Variants in EXPH5 observed in about 807,000 individuals in gnomAD.
The protein encoded by EXPH5 is exophilin-5.
EXPH5 carries 42 observed loss-of-function variants against 41.1 expected under a neutral mutation model. The ratio of observed to expected loss-of-function variants is 1.02; its 90% CI spans 0.80 to 1.32. EXPH5 has a LOEUF of 1.32. Among genes scored for constraint, EXPH5 ranks in the 40% most tolerant of loss-of-function variants. EXPH5 has a pLI of 0.00. For missense variants in EXPH5, 2,298 were observed against 2,314.5 expected (o/e 0.99, Z 0.15); for synonymous variants, 798 against 833.5 (o/e 0.96, Z 0.73).
chr11:108,556,374 A>G (rs547759410), intron 1 of EXPH5, among the ~76,000 whole-genome samples: 43 of 151,798 alleles, frequency 2.8e-4, no homozygotes, highest in Non-Finnish European at 1.0e-4. Flanking sequence ...GGCACTTAAG[A>G]GTGTTTCCAT....
chr11:108,528,006 G>A, intron 4 of EXPH5, 130 bp downstream of exon 4: 2 of 610,850 alleles, frequency 3.3e-6, no homozygotes, highest in South Asian at 2.4e-5. Flanking sequence ...TGAACTCTTA[G>A]GGAGAAATCC....
Position 108,514,364 on chromosome 11 carries a change from G to T in EXPH5, c.1143C>A (p.Asp381Glu). The change falls in exon 6 of 6, where the codon GAC (aspartate) becomes GAA (glutamate). Residue 381 changes from aspartate (D) to glutamate (E), a missense_variant. Transcript: ENST00000265843. ...TCAGGAACTCTTCCTGGTTCTCCCTGTCTCTAGAGGAATCTGATCTGTTCC... is the reference window on the plus strand; with the variant it reads ...TCAGGAACTCTTCCTGGTTCTCCCTTTCTCTAGAGGAATCTGATCTGTTCC... ...IIWNRSDSSR[D>E]RENQEEFLRA... 1 of 1,613,804 alleles carries T rather than the reference G, an allele frequency of 6.2e-7. No individual in the cohort carries two copies. The highest frequency in any genetic ancestry group is 8.5e-7 in the Non-Finnish European group (1 of 1,179,868).
chr11:108,512,811 A>C lies in EXPH5; in HGVS notation c.2696T>G (p.Val899Gly). Residue 899 changes from valine (V) to glycine (G), a missense_variant, in exon 6 of 6, where the codon GTG becomes GGG. By Grantham distance (109) the Val-to-Gly change is moderately radical. Coordinates refer to ENST00000265843, the MANE Select transcript of EXPH5 (RefSeq NM_015065.3). ...GGAGAACACTGTAGTAGATGGAACC[A>C]CAGGAGCATCAAGGGAAGAATTCTT... ...PSKNSSLDAP[V>G]VPSTTVFSRR... 6.2e-7 allele frequency: 1 copy of C among 1,614,168 alleles called. No individual in the cohort carries two copies. Among genetic ancestry groups the C allele is most frequent in the Non-Finnish European group, 8.5e-7 (1 of 1,180,014 alleles).
Position 108,542,155 on chromosome 11 carries a change from C to T in EXPH5, c.120-343G>A, listed in dbSNP as rs1591716640. ...TCAGCCTCCCAAAGTGCTGGGATTA[C>T]AGGAGTGAGCCACCTGGCCCAGCCT... On this transcript the variant is annotated intron_variant, in intron 1 of 5. Transcript: ENST00000265843. 2.6e-5 allele frequency among the ~76,000 whole-genome samples: 4 copies of T among 152,284 alleles called. No homozygotes were observed. In the East Asian group the frequency reaches 7.7e-4, roughly 29 times the overall value.
intron 3 of EXPH5, among the ~76,000 whole-genome samples, chr11:108,535,504 T>C (rs550718991): frequency 6.6e-6 from 1 of 151,964 alleles, no homozygotes; most frequent in African/African-American, 2.4e-5. Flanking sequence ...AACTCAGACA[T>C]AGGCACTCAA....
chr11:108,560,845 TA>T (rs1303014112), intron 1 of EXPH5, among the ~76,000 whole-genome samples: 1 of 152,246 alleles, frequency 6.6e-6, no homozygotes, highest in Non-Finnish European at 1.5e-5. Context: ...ATGTCATTGT[TA>T]TATGTTCTTA....
Position 108,509,628 on chromosome 11 carries a change from T to G in EXPH5, c.5879A>C (p.Glu1960Ala). The G allele has an allele frequency of 1.2e-6, 2 of 1,612,954 alleles. No individual in the cohort carries two copies. Among genetic ancestry groups the G allele is most frequent in the Non-Finnish European group, 1.7e-6 (2 of 1,179,556 alleles). ...ACAATCTGAGTCCACTGGGTCATCC[T>G]CATAGATATTAAGCGGTTCACTTGG... is the stretch of plus-strand genomic sequence containing the variant. ...LSPSEPLNIYEDDPVDSDCDT... is the reference protein window; with the variant it reads ...LSPSEPLNIYADDPVDSDCDT... Residue 1960 changes from glutamate to alanine, a missense_variant, in exon 6 of 6, where the codon GAG becomes GCG. Coordinates refer to ENST00000265843, the MANE Select transcript of EXPH5 (RefSeq NM_015065.3).
At chr11:108,521,314 G>A (rs779134252) in intron 4 of EXPH5, among the ~76,000 whole-genome samples, 5 of 151,998 alleles carry the variant, frequency 3.3e-5, no homozygotes, top group Non-Finnish European at 5.9e-5. Context: ...CATTCCTTAC[G>A]ACCTTGTGTT....
At chr11:108,573,780 G>C (rs572457139) in intron 1 of EXPH5, among the ~76,000 whole-genome samples, 7 of 152,316 alleles carry the variant, frequency 4.6e-5, no homozygotes, top group Non-Finnish European at 1.0e-4. Flanking sequence ...CTCTAGATGA[G>C]AAGAGTATTC....
chr11:108,510,132 T>C lies in EXPH5; in HGVS notation c.5375A>G (p.Tyr1792Cys). 3.1e-6 allele frequency: 5 copies of C among 1,613,964 alleles called. No homozygotes were observed. Among genetic ancestry groups the C allele is most frequent in the Non-Finnish European group, 4.2e-6 (5 of 1,180,026 alleles). Reference sequence around the variant, plus strand: ...AATGCTTTTTAAACTCTTTGAACGATAGAGGTGTGGCTCAGGTTCCCACTC... The same window carrying C: ...AATGCTTTTTAAACTCTTTGAACGACAGAGGTGTGGCTCAGGTTCCCACTC... ...SLEWEPEPHL[Y>C]RSKSLKSINV... The change falls in exon 6 of 6, where the codon TAT (tyrosine) becomes TGT (cysteine). Residue 1792 changes from tyrosine to cysteine, a missense_variant. Transcript: ENST00000265843.
chr11:108,585,830 C>T lies in EXPH5; in HGVS notation c.119+7588G>A, dbSNP rs77623732. On this transcript the variant is annotated intron_variant, in intron 1 of 5. Coordinates refer to ENST00000265843, the MANE Select transcript of EXPH5 (RefSeq NM_015065.3). The stretch of plus-strand genomic sequence containing the variant: ...ATTTAATATCATCAAAATGTGTAAA[C>T]AAAACAAGTGTTCTTCAGTGGGTGA... Among the ~76,000 whole-genome samples, 273 of 152,236 alleles carry T rather than the reference C, an allele frequency of 1.8e-3. 3 individuals carry two copies. Among genetic ancestry groups the T allele is most frequent in the African/African-American group, 6.1e-3 (254 of 41,552 alleles).
rs60681955 is a variant in EXPH5 at position 108,552,168 on chromosome 11, A to ATGC, written c.120-10357_120-10356insGCA. On this transcript the variant is annotated intron_variant, in intron 1 of 5. Coordinates refer to ENST00000265843, the MANE Select transcript of EXPH5 (RefSeq NM_015065.3). Reference sequence around the variant, plus strand: ...GAAAGAGGCAGAGTGAAGGAAGAGAAAGCCCTGTGGTTCAGTGGCTGCACC... The same window carrying ATGC: ...GAAAGAGGCAGAGTGAAGGAAGAGAATGCAGCCCTGTGGTTCAGTGGCTGCACC... The ATGC allele has an allele frequency of 2.6e-5, 4 of 151,822 alleles. No homozygotes were observed. In the East Asian group the frequency reaches 7.8e-4, roughly 30 times the overall value. The allele number at this position is 151,822 out of a possible 1,614,324, so 9.4% of individuals were successfully genotyped here.
chr11:108,554,726 G>A (rs985539777), intron 1 of EXPH5, among the ~76,000 whole-genome samples: 9 of 152,078 alleles, frequency 5.9e-5, no homozygotes, highest in Non-Finnish European at 8.8e-5. Context: ...GTTTGAGACT[G>A]GCTTGGCCAA....
Position 108,512,733 on chromosome 11 carries a change from T to C in EXPH5, c.2774A>G (p.Asp925Gly), listed in dbSNP as rs1023926408. 6.2e-6 allele frequency: 10 copies of C among 1,613,670 alleles called. No homozygotes were observed. The highest frequency in any genetic ancestry group is 8.5e-6 in the Non-Finnish European group (10 of 1,179,962). ...DPSLGEREEK[D>G]NAGKNQKNQF... ...ATTCTTTTGGTTCTTCCCAGCATTG[T>C]CTTTTTCTTCTCTTTCTCCTAGCGA... Residue 925 changes from aspartate (D) to glycine (G), a missense_variant, in exon 6 of 6, where the codon GAC becomes GGC. By Grantham distance (94) the Asp-to-Gly change is moderately conservative (BLOSUM62 -1). Transcript: ENST00000265843.
At chr11:108,518,681 C>G (rs1011263785) in intron 4 of EXPH5, among the ~76,000 whole-genome samples, 1 of 152,212 alleles carries the variant, frequency 6.6e-6, no homozygotes, top group Non-Finnish European at 1.5e-5. Context: ...GCAACTCCAT[C>G]TCGAATAGGG....
the EXPH5 span, among the ~76,000 whole-genome samples, chr11:108,599,389 A>G: frequency 6.6e-6 from 1 of 152,250 alleles, no homozygotes; most frequent in Non-Finnish European, 1.5e-5. Context: ...AGCTATAGTT[A>G]TAATCACAAT....
intron 1 of EXPH5, among the ~76,000 whole-genome samples, chr11:108,556,533 C>T (rs887011659): frequency 2.0e-5 from 3 of 152,032 alleles, no homozygotes; most frequent in Admixed American, 6.6e-5. Context: ...AGTGCAGTGG[C>T]CCAATCTTGG....
At chr11:108,543,200 CT>C (rs1233690841) in intron 1 of EXPH5, among the ~76,000 whole-genome samples, 5 of 152,086 alleles carry the variant, frequency 3.3e-5, no homozygotes, top group Non-Finnish European at 7.4e-5. Context: ...AATCCTATTA[CT>C]TTTTTTTCTT....
chr11:108,538,554 A>G (rs1338330116), intron 3 of EXPH5, among the ~76,000 whole-genome samples: 1 of 152,100 alleles, frequency 6.6e-6, no homozygotes, highest in Admixed American at 6.6e-5. Context: ...CCTCTGTTTT[A>G]GAATTCTATT....
Sources: gnomAD v4.1 joint callset for allele counts (sites outside exome capture counted in the v4.1 genomes callset) on GRCh38, gnomAD v4.1.1 for gene constraint, MANE v1.5 for transcripts, NCBI Gene and HGNC (gene_info 2026-07-23, HGNC 2026-07-21) for gene names.